MGLL: variants seen among roughly 807,000 people sequenced by gnomAD.
MGLL encodes the protein lysophospholipase homolog.
A neutral mutation model predicts 29.1 loss-of-function variants in MGLL; 7 were observed. The ratio of observed to expected loss-of-function variants is 0.24; its 90% CI spans 0.14 to 0.45. The LOEUF is 0.45. MGLL is among the 20% of genes least tolerant of loss of function. MGLL has a pLI of 0.99. For missense variants in MGLL, 356 were observed against 413.6 expected, an observed-to-expected ratio of 0.86 and a Z score of 1.21; for synonymous variants, 148 against 168.3, an observed-to-expected ratio of 0.88 and a Z score of 0.93.
At chr3:127,768,299 T>C (rs1308171895) in intron 3 of MGLL, among the ~76,000 whole-genome samples, 1 of 152,224 alleles carries the variant, frequency 6.6e-6, no homozygotes, top group Non-Finnish European at 1.5e-5. Flanking sequence ...TTCATTTTAT[T>C]AGCCAGAATA....
chr3:127,810,254 A>C (rs2077638392), intron 2 of MGLL, among the ~76,000 whole-genome samples: 1 of 151,828 alleles, frequency 6.6e-6, no homozygotes. Context: ...AAACTGCAAG[A>C]AAATTAATTT....
intron 3 of MGLL, among the ~76,000 whole-genome samples, chr3:127,747,826 C>T (rs763362414): frequency 1.3e-5 from 2 of 152,192 alleles, no homozygotes; most frequent in Non-Finnish European, 2.9e-5. Context: ...TCTCCTTCCA[C>T]ACCTGTGGTC....
rs553815902 is a variant in MGLL, at chr3:127,744,223, T to A, written c.263-21657A>T. ...AGTAATGCATTCTCAGGATTTCATA[T>A]TTAGAAGGTTTATTTGAAAACATCC... On this transcript the variant is annotated intron_variant, in intron 3 of 7. Coordinates refer to ENST00000265052, the MANE Select transcript of MGLL (RefSeq NM_007283.7). Among the ~76,000 whole-genome samples the A allele has an allele frequency of 7.9e-5, 12 of 152,290 alleles. No homozygotes were observed. The East Asian group carries it at 1.2e-3, about 15-fold the overall frequency.
At chr3:127,786,259 G>C (rs1401151923) in intron 2 of MGLL, among the ~76,000 whole-genome samples, 2 of 152,236 alleles carry the variant, frequency 1.3e-5, no homozygotes, top group African/African-American at 4.8e-5. Flanking sequence ...GGGGCCGACA[G>C]GGCCCTGAGC....
chr3:127,729,705 A>G (rs1451737208), intron 3 of MGLL, among the ~76,000 whole-genome samples: 5 of 152,110 alleles, frequency 3.3e-5, no homozygotes, highest in Admixed American at 1.3e-4. Context: ...ACTCAAGCCC[A>G]GTCTATTTCT....
chr3:127,709,258 T>G (rs2075663304), intron 6 of MGLL, among the ~76,000 whole-genome samples: 1 of 152,128 alleles, frequency 6.6e-6, no homozygotes, highest in Admixed American at 6.6e-5. Context: ...GGCCCCAAGA[T>G]GTAGGTTTGG....
chr3:127,782,208 C>A (rs970956495), intron 2 of MGLL, among the ~76,000 whole-genome samples: 1 of 151,946 alleles, frequency 6.6e-6, no homozygotes, highest in Non-Finnish European at 1.5e-5. Flanking sequence ...GGTGACAGAG[C>A]GAGACTCTGT....
chr3:127,743,599 A>AAAAG (rs869136288), intron 3 of MGLL, among the ~76,000 whole-genome samples: 1 of 141,916 alleles, frequency 7.0e-6, no homozygotes, highest in Non-Finnish European at 1.5e-5. Flanking sequence ...AAAAAAAAAA[A>AAAAG]GTCCAAGCAG....
intron 1 of MGLL, 23 bp downstream of exon 1, chr3:127,822,286 A>T: frequency 6.2e-7 from 1 of 1,608,436 alleles, no homozygotes; most frequent in Non-Finnish European, 8.5e-7. Flanking sequence ...TCCCATCTGA[A>T]ATTCCAAGGA....
chr3:127,747,202 AC>A (rs2076463347), intron 3 of MGLL, among the ~76,000 whole-genome samples: 1 of 152,004 alleles, frequency 6.6e-6, no homozygotes, highest in Non-Finnish European at 1.5e-5. Flanking sequence ...AGGGGAAGTG[AC>A]CCAAGGCCAC....
chr3:127,724,224 T>TC (rs1361681133), intron 3 of MGLL, among the ~76,000 whole-genome samples: 2 of 152,092 alleles, frequency 1.3e-5, no homozygotes, highest in African/African-American at 4.8e-5. Flanking sequence ...TACTCTCTCT[T>TC]CCCCCACACC....
intron 5 of MGLL, chr3:127,711,000 G>T (rs1044959115): frequency 1.0e-5 from 4 of 388,098 alleles, no homozygotes; most frequent in Non-Finnish European, 2.0e-5. Flanking sequence ...AGTTGCCTGG[G>T]ATGAGCTCTG....
intron 2 of MGLL, 36 bp downstream of exon 2, chr3:127,821,658 C>A: frequency 6.2e-7 from 1 of 1,612,116 alleles, no homozygotes; most frequent in South Asian, 1.1e-5. Context: ...GCCATGCTCC[C>A]CTGTCACCTG....
Position 127,822,440 on chromosome 3 carries a change from C to T in MGLL, c.-122G>A. On this transcript the variant is annotated 5_prime_UTR_variant, in exon 1 of 8. Transcript: ENST00000265052. ...AGGAAGGCAGCTCCGAGCCCTCTTC[C>T]CGCACCCAGACCCTGCCTTTCGGGC... 9.7e-7 allele frequency: 1 copy of T among 1,025,650 alleles called. No homozygotes were observed. Among genetic ancestry groups the T allele is most frequent in the Non-Finnish European group, 1.5e-6 (1 of 659,808 alleles). 63.5% of individuals were successfully genotyped at this position (1,025,650 alleles called of 1,614,324 possible).
chr3:127,692,931 G>A lies in MGLL; in HGVS notation c.817-608C>T, dbSNP rs556242955. On this transcript the variant is annotated intron_variant, in intron 7 of 7. Transcript: ENST00000265052. ...GCCTCTGCAGGCGGCTGGACTACGG[G>A]CTTGGCTGTGCCCTCCTTCACTCTC... Among the ~76,000 whole-genome samples, 18 of 152,346 alleles carry A rather than the reference G, an allele frequency of 1.2e-4. No individual in the cohort carries two copies. In the South Asian group the frequency reaches 3.7e-3, roughly 32 times the overall value.
chr3:127,708,038 T>C (rs938741919), intron 6 of MGLL, among the ~76,000 whole-genome samples: 10 of 152,160 alleles, frequency 6.6e-5, no homozygotes, highest in Non-Finnish European at 1.3e-4. Context: ...CAGTGGCCCA[T>C]CCCCCATAGT....
intron 3 of MGLL, among the ~76,000 whole-genome samples, chr3:127,776,704 T>C (rs555253418): frequency 1.3e-5 from 2 of 152,322 alleles, no homozygotes; most frequent in Admixed American, 6.5e-5. Flanking sequence ...CCTCTGCTCA[T>C]TGAGGGGACC....
Position 127,695,116 on chromosome 3 carries a change from A to G in MGLL, c.675T>C (p.Asn225=), listed in dbSNP as rs754357524. 6.3e-5 allele frequency: 102 copies of G among 1,614,208 alleles called. No individual in the cohort carries two copies. The highest frequency in any genetic ancestry group is 4.2e-4 in the Admixed American group (25 of 60,028). The part of the protein sequence containing the change: ...LKVCFGIQLL[N]AVSRVERALP... Reference sequence around the variant, plus strand: ...GGGCGCGCTCCACCCGTGAGACGGCATTCAGCAGTTGGATGCCGAAGCACA... The same window carrying G: ...GGGCGCGCTCCACCCGTGAGACGGCGTTCAGCAGTTGGATGCCGAAGCACA... Residue 225 remains asparagine (N), a synonymous_variant, in exon 7 of 8, where the codon AAT becomes AAC. Coordinates refer to ENST00000265052, the MANE Select transcript of MGLL (RefSeq NM_007283.7).
intron 6 of MGLL, among the ~76,000 whole-genome samples, chr3:127,705,420 T>C (rs951152451): frequency 8.0e-5 from 12 of 149,742 alleles, no homozygotes; most frequent in African/African-American, 3.0e-4. Context: ...AGAAAAACAA[T>C]AGACAAGAAA....
Sources: gnomAD v4.1 joint callset for allele counts (sites outside exome capture counted in the v4.1 genomes callset) on GRCh38, gnomAD v4.1.1 for gene constraint, MANE v1.5 for transcripts, NCBI Gene and HGNC (gene_info 2026-07-23, HGNC 2026-07-21) for gene names.